Variants in PDE4D observed in about 807,000 individuals in gnomAD.
PDE4D encodes the protein 3',5'-cyclic-AMP phosphodiesterase 4D.
PDE4D carries 24 observed loss-of-function variants against 87.4 expected under a neutral mutation model. The observed-to-expected ratio is 0.27, with a 90% CI of 0.20 to 0.39. The LOEUF (loss-of-function observed/expected upper bound fraction) is 0.39, where lower values mean the gene tolerates loss of function less well. Ranked by LOEUF, PDE4D falls within the 10% of genes least tolerant of loss-of-function variation. PDE4D has a pLI of 1.00. For missense variants in PDE4D, 714 were observed against 1,041.0 expected (o/e 0.69, Z 4.32); for synonymous variants, 384 against 383.2 (o/e 1.00, Z -0.02).
intron 1 of PDE4D, among the ~76,000 whole-genome samples, chr5:60,243,782 C>T (rs897069942): frequency 1.3e-5 from 2 of 151,842 alleles, no homozygotes; most frequent in South Asian, 4.1e-4. Flanking sequence ...CCTCAAAAAC[C>T]TATGTATAGA....
At chr5:59,417,054 A>G (rs1793732999) in intron 1 of PDE4D, among the ~76,000 whole-genome samples, 1 of 152,162 alleles carries the variant, frequency 6.6e-6, no homozygotes. Flanking sequence ...TCTTAGTACA[A>G]CAGATAAACT....
At chr5:60,163,725 C>T (rs1782652211) in intron 2 of PDE4D, among the ~76,000 whole-genome samples, 1 of 152,138 alleles carries the variant, frequency 6.6e-6, no homozygotes, top group Non-Finnish European at 1.5e-5. Flanking sequence ...CTTATTTCCT[C>T]CAACCTTTCA....
chr5:59,206,753 G>A, intron 2 of PDE4D, among the ~76,000 whole-genome samples: 1 of 152,148 alleles, frequency 6.6e-6, no homozygotes, highest in East Asian at 1.9e-4. Flanking sequence ...GTAAAACAGT[G>A]ATACTCATTC....
chr5:59,520,520 A>G (rs1230227293), intron 1 of PDE4D, among the ~76,000 whole-genome samples: 1 of 152,214 alleles, frequency 6.6e-6, no homozygotes, highest in Non-Finnish European at 1.5e-5. Context: ...GCAGAAAGGC[A>G]TGGGCATTGT....
intron 1 of PDE4D, among the ~76,000 whole-genome samples, chr5:59,426,998 TACACACACAC>T (rs3061709): frequency 0.016 from 2,006 of 125,170 alleles, 20 homozygotes; most frequent in Middle Eastern, 0.047. Context: ...CTTGAAGCTA[TACACACACAC>T]ACACACACAC....
chr5:60,099,697 C>T (rs1285203015), intron 2 of PDE4D, among the ~76,000 whole-genome samples: 1 of 151,828 alleles, frequency 6.6e-6, no homozygotes, highest in Non-Finnish European at 1.5e-5. Context: ...TATATCATTT[C>T]TCACCAATTA....
At chr5:59,300,274 A>G (rs758051436) in intron 1 of PDE4D, among the ~76,000 whole-genome samples, 3 of 152,100 alleles carry the variant, frequency 2.0e-5, no homozygotes, top group Non-Finnish European at 4.4e-5. Flanking sequence ...AAGAAATAGA[A>G]ATGTTTCCTT....
At chr5:59,482,429 C>T (rs1413125867) in intron 1 of PDE4D, among the ~76,000 whole-genome samples, 12 of 152,070 alleles carry the variant, frequency 7.9e-5, no homozygotes, top group Non-Finnish European at 2.9e-5. Context: ...CCTTCTTTTA[C>T]AGTTGTAAAG....
chr5:59,398,111 C>A (rs1463191888), intron 1 of PDE4D, among the ~76,000 whole-genome samples: 3 of 146,804 alleles, frequency 2.0e-5, no homozygotes, highest in Non-Finnish European at 3.0e-5. Flanking sequence ...CAAAAAGAGT[C>A]CAGGACCAGA....
intron 1 of PDE4D, among the ~76,000 whole-genome samples, chr5:59,713,389 G>C (rs928089703): frequency 1.3e-5 from 2 of 152,176 alleles, no homozygotes; most frequent in Non-Finnish European, 1.5e-5. Context: ...ACATGAGCTT[G>C]TAACTGGCTC....
chr5:59,758,048 A>G (rs2150761345), intron 1 of PDE4D, among the ~76,000 whole-genome samples: 1 of 152,324 alleles, frequency 6.6e-6, no homozygotes, highest in East Asian at 1.9e-4. Context: ...ACTTCAATAC[A>G]CATGCAGGGT....
At chr5:59,935,394 A>C (rs1561881313) in intron 3 of PDE4D, among the ~76,000 whole-genome samples, 1 of 152,186 alleles carries the variant, frequency 6.6e-6, no homozygotes, top group Non-Finnish European at 1.5e-5. Flanking sequence ...TGGAAGATAA[A>C]AACTGAAAAA....
At chr5:60,066,763 C>A (rs1285952400) in intron 2 of PDE4D, among the ~76,000 whole-genome samples, 10 of 152,066 alleles carry the variant, frequency 6.6e-5, no homozygotes, top group Non-Finnish European at 2.9e-5. Flanking sequence ...TTTAACTAAT[C>A]TCATTTGTTT....
chr5:59,831,329 A>AAAT (rs1225049384), intron 1 of PDE4D, among the ~76,000 whole-genome samples: 1 of 149,526 alleles, frequency 6.7e-6, no homozygotes, highest in African/African-American at 2.4e-5. Context: ...TTATTCTCAA[A>AAAT]AAAAAAAAAA....
At chr5:59,437,610 A>G (rs1416398711) in intron 1 of PDE4D, among the ~76,000 whole-genome samples, 1 of 152,138 alleles carries the variant, frequency 6.6e-6, no homozygotes, top group African/African-American at 2.4e-5. Context: ...TTTTAAATCT[A>G]TCAATTCATT....
In PDE4D at chr5:60,204,406, C is replaced by T. The variant is rs778948064; in HGVS notation, c.-89-18719G>A. 9.2e-5 allele frequency among the ~76,000 whole-genome samples: 14 copies of T among 152,112 alleles called. 1 individual carries two copies. Among genetic ancestry groups the T allele is most frequent in the Non-Finnish European group, 2.1e-4 (14 of 68,024 alleles). On this transcript the variant is annotated intron_variant, in intron 1 of 16. Coordinates refer to the PDE4D transcript ENST00000502484. ...GCCCTGGAATAATCCTATTTCCAAT[C>T]GGAAGTAACTGAAAGAGCTCTATAC...
chr5:59,732,061 T>C (rs1041989318), intron 1 of PDE4D, among the ~76,000 whole-genome samples: 1 of 152,184 alleles, frequency 6.6e-6, no homozygotes, highest in African/African-American at 2.4e-5. Flanking sequence ...AAAATCTGTC[T>C]AGATAGATCA....
intron 2 of PDE4D, among the ~76,000 whole-genome samples, chr5:60,166,803 A>G (rs532887163): frequency 7.9e-5 from 12 of 152,138 alleles, no homozygotes; most frequent in Admixed American, 5.2e-4. Context: ...TTTCTAAAAG[A>G]TGGCTTTTCT....
intron 2 of PDE4D, among the ~76,000 whole-genome samples, chr5:60,136,742 A>C (rs1780083774): frequency 6.6e-6 from 1 of 152,110 alleles, no homozygotes; most frequent in Admixed American, 6.6e-5. Context: ...TGGGGCTGGG[A>C]GTGTGCTCAG....
Sources: allele counts gnomAD v4.1 joint callset (sites outside exome capture counted in the v4.1 genomes callset), GRCh38; gene constraint gnomAD v4.1.1; transcripts MANE v1.5; gene names NCBI Gene and HGNC (gene_info 2026-07-23, HGNC 2026-07-21).